Variants in FAM184B observed in about 807,000 individuals in gnomAD.
FAM184B encodes the protein protein FAM184B.
In FAM184B, 111 loss-of-function variants were observed where a neutral mutation model predicts 135.9. The ratio of observed to expected loss-of-function variants is 0.82; its 90% confidence interval spans 0.70 to 0.96. The LOEUF (loss-of-function observed/expected upper bound fraction) is 0.96. Among genes scored for constraint, FAM184B ranks in the 40% least tolerant of loss-of-function variants. The pLI, the probability that FAM184B is intolerant of heterozygous loss-of-function variation, is 0.00. For synonymous variants in FAM184B, 552 were observed against 524.8 expected, an observed-to-expected ratio of 1.05 and a Z score of -0.71; for missense variants, 1,375 against 1,323.9, an observed-to-expected ratio of 1.04 and a Z score of -0.60.
intron 1 of FAM184B, among the ~76,000 whole-genome samples, chr4:17,747,747 C>T: frequency 6.6e-6 from 1 of 151,676 alleles, no homozygotes; most frequent in Non-Finnish European, 1.5e-5. Context: ...CGATGAAACC[C>T]CGTCTCTACT....
At chr4:17,724,845 C>T (rs1717607127) in intron 1 of FAM184B, among the ~76,000 whole-genome samples, 1 of 152,198 alleles carries the variant, frequency 6.6e-6, no homozygotes, top group Non-Finnish European at 1.5e-5. Flanking sequence ...GAATCATTTC[C>T]TCCAGACCAC....
chr4:17,647,327 A>G (rs943904523), intron 12 of FAM184B, among the ~76,000 whole-genome samples: 107 of 147,656 alleles, frequency 7.2e-4, no homozygotes, highest in African/African-American at 2.3e-3. Context: ...ATCATAGCTC[A>G]CCACAGCCTG....
At chr4:17,745,531 C>T (rs927549850) in intron 1 of FAM184B, among the ~76,000 whole-genome samples, 1 of 152,204 alleles carries the variant, frequency 6.6e-6, no homozygotes, top group African/African-American at 2.4e-5. Context: ...GGCCAAGACC[C>T]TTTCATGGCT....
At chr4:17,637,467 C>T (rs541753031) in intron 14 of FAM184B, among the ~76,000 whole-genome samples, 4 of 152,280 alleles carry the variant, frequency 2.6e-5, no homozygotes, top group South Asian at 2.1e-4. Flanking sequence ...AATACTGGCT[C>T]TTCTTTTTTC....
intron 1 of FAM184B, among the ~76,000 whole-genome samples, chr4:17,736,657 A>G (rs761008967): frequency 6.6e-6 from 1 of 152,162 alleles, no homozygotes; most frequent in African/African-American, 2.4e-5. Context: ...AAGGGGAAAT[A>G]CAGGAGATAC....
intron 5 of FAM184B, among the ~76,000 whole-genome samples, chr4:17,695,848 A>C (rs570877092): frequency 6.6e-6 from 1 of 152,280 alleles, no homozygotes; most frequent in Admixed American, 6.5e-5. Flanking sequence ...GGGTTGGAGT[A>C]TGCATTTGAG....
chr4:17,681,416 T>G (rs1239920587), intron 7 of FAM184B, among the ~76,000 whole-genome samples: 1 of 152,226 alleles, frequency 6.6e-6, no homozygotes, highest in East Asian at 1.9e-4. Flanking sequence ...CAGGCTCTAC[T>G]GCATCTCAGC....
chr4:17,695,935 A>G (rs1247299269), intron 5 of FAM184B, among the ~76,000 whole-genome samples: 1 of 152,186 alleles, frequency 6.6e-6, no homozygotes, highest in Non-Finnish European at 1.5e-5. Flanking sequence ...AGGAAAATAT[A>G]AGACATTAAA....
At chr4:17,673,771 T>G (rs2215450) in intron 7 of FAM184B, among the ~76,000 whole-genome samples, 90,454 of 151,804 alleles carry the variant, frequency 0.6, 27,471 homozygotes, top group East Asian at 0.83. Context: ...GGAGGAAAGG[T>G]TGGGAAGGGG....
intron 14 of FAM184B, among the ~76,000 whole-genome samples, chr4:17,638,416 C>G (rs1715212781): frequency 6.6e-6 from 1 of 151,754 alleles, no homozygotes; most frequent in African/African-American, 2.4e-5. Context: ...TGGTCTCGAA[C>G]TCCTGGGCTC....
At chr4:17,741,070 T>C (rs1417360262) in intron 1 of FAM184B, among the ~76,000 whole-genome samples, 1 of 152,196 alleles carries the variant, frequency 6.6e-6, no homozygotes, top group African/African-American at 2.4e-5. Context: ...CAAATATTTA[T>C]TGAGTGCCTG....
chr4:17,744,633 T>C (rs1400532271), intron 1 of FAM184B, among the ~76,000 whole-genome samples: 1 of 151,084 alleles, frequency 6.6e-6, no homozygotes, highest in Admixed American at 6.6e-5. Context: ...GGCAGGAGAA[T>C]AGCTTGAATC....
intron 1 of FAM184B, among the ~76,000 whole-genome samples, chr4:17,776,534 A>G (rs1170002684): frequency 1.3e-5 from 2 of 151,984 alleles, no homozygotes; most frequent in African/African-American, 4.8e-5. Flanking sequence ...GATTACAGGT[A>G]TGCACCACCA....
intron 7 of FAM184B, 21 bp from the exon 8 acceptor site, chr4:17,664,680 G>T (rs878919364): frequency 3.3e-4 from 354 of 1,075,978 alleles, no homozygotes; most frequent in Non-Finnish European, 4.0e-4. Flanking sequence ...AAAAGAAAAA[G>T]AAAAAAAAAA....
At chr4:17,651,282 A>T (rs1043180854) in intron 11 of FAM184B, among the ~76,000 whole-genome samples, 1 of 152,136 alleles carries the variant, frequency 6.6e-6, no homozygotes, top group South Asian at 2.1e-4. Flanking sequence ...TCACGCCTGT[A>T]ATCCCAGCAC....
intron 1 of FAM184B, among the ~76,000 whole-genome samples, chr4:17,737,907 C>A (rs1717946991): frequency 6.6e-6 from 1 of 152,174 alleles, no homozygotes; most frequent in African/African-American, 2.4e-5. Flanking sequence ...ATGGTTCCTG[C>A]CTCTGGGAGC....
At chr4:17,707,337 T>TG (rs1167811273) in intron 3 of FAM184B, among the ~76,000 whole-genome samples, 1 of 152,042 alleles carries the variant, frequency 6.6e-6, no homozygotes, top group Non-Finnish European at 1.5e-5. Flanking sequence ...GTGTAAGTGG[T>TG]GGGGGGTGAA....
intron 9 of FAM184B, among the ~76,000 whole-genome samples, chr4:17,659,555 C>T (rs192518857): frequency 1.6e-4 from 24 of 152,044 alleles, no homozygotes; most frequent in South Asian, 4.2e-4. Context: ...GGTGCGATCT[C>T]GGCTCACTAT....
chr4:17,659,726 T>C (rs1428074686), intron 9 of FAM184B, among the ~76,000 whole-genome samples: 3 of 152,186 alleles, frequency 2.0e-5, no homozygotes, highest in Non-Finnish European at 2.9e-5. Flanking sequence ...CCTCAAGTGA[T>C]CTGCCCCCCT....
Sources: allele counts gnomAD v4.1 joint callset (sites outside exome capture counted in the v4.1 genomes callset), GRCh38; gene constraint gnomAD v4.1.1; transcripts MANE v1.5; gene names NCBI Gene and HGNC (gene_info 2026-07-23, HGNC 2026-07-21).